RBFOX1: variants seen among roughly 807,000 people sequenced by gnomAD.
RBFOX1 encodes RNA binding protein fox-1 homolog 1.
A neutral mutation model predicts 57.7 loss-of-function variants in RBFOX1; 8 were observed. That is an observed-to-expected ratio of 0.14 (90% CI 0.08 to 0.25). RBFOX1 has a LOEUF of 0.25. Among genes scored for constraint, RBFOX1 ranks in the 10% least tolerant of loss-of-function variants. The pLI is 1.00. For synonymous variants in RBFOX1, 326 were observed against 222.4 expected, an observed-to-expected ratio of 1.47 and a Z score of -4.15; for missense variants, 611 against 548.5, an observed-to-expected ratio of 1.11 and a Z score of -1.14.
chr16:7,076,829 G>A (rs1032304351), intron 4 of RBFOX1, among the ~76,000 whole-genome samples: 11 of 152,134 alleles, frequency 7.2e-5, no homozygotes, highest in South Asian at 2.1e-4. Flanking sequence ...TGAGCCCTGG[G>A]GATAATGACA....
intron 1 of RBFOX1, among the ~76,000 whole-genome samples, chr16:6,070,726 A>G (rs565301832): frequency 1.3e-5 from 2 of 152,150 alleles, no homozygotes; most frequent in Non-Finnish European, 2.9e-5. Flanking sequence ...TTGACCCTTT[A>G]TCATTGCAAT....
intron 2 of RBFOX1, among the ~76,000 whole-genome samples, chr16:5,555,395 C>T (rs1246791982): frequency 6.6e-6 from 1 of 152,026 alleles, no homozygotes; most frequent in Non-Finnish European, 1.5e-5. Context: ...GGACTACAGG[C>T]ATGAGCCACC....
At chr16:7,368,531 C>A (rs1568452613) in intron 4 of RBFOX1, among the ~76,000 whole-genome samples, 1 of 151,960 alleles carries the variant, frequency 6.6e-6, no homozygotes, top group Non-Finnish European at 1.5e-5. Context: ...GTAATCCCAG[C>A]ACTTTGGGAG....
intron 3 of RBFOX1, among the ~76,000 whole-genome samples, chr16:5,840,864 G>C (rs2056603852): frequency 6.6e-6 from 1 of 152,172 alleles, no homozygotes; most frequent in African/African-American, 2.4e-5. Flanking sequence ...GTCTGGGTGA[G>C]AGCTTGGACT....
At chr16:5,602,294 C>G (rs775336806), downstream of RBFOX1, among the ~76,000 whole-genome samples, 1 of 149,470 alleles carries the variant, frequency 6.7e-6, no homozygotes, top group East Asian at 1.9e-4. Flanking sequence ...AGCAATTACA[C>G]TTCTGGGAAT....
intron 5 of RBFOX1, 26 bp downstream of exon 5, chr16:7,518,415 G>T: frequency 6.3e-7 from 1 of 1,589,686 alleles, no homozygotes; most frequent in Non-Finnish European, 8.6e-7. Flanking sequence ...TGCTACGGGT[G>T]GGAGGTTATG....
intron 1 of RBFOX1, among the ~76,000 whole-genome samples, chr16:5,271,678 G>A (rs1368812407): frequency 6.6e-6 from 1 of 152,176 alleles, no homozygotes; most frequent in Non-Finnish European, 1.5e-5. Flanking sequence ...GCTTTCAGAG[G>A]AGTTTAACTT....
chr16:5,381,274 C>G (rs897796956), intron 1 of RBFOX1, among the ~76,000 whole-genome samples: 1 of 152,178 alleles, frequency 6.6e-6, no homozygotes, highest in Non-Finnish European at 1.5e-5. Flanking sequence ...GCATATTATG[C>G]CGAGTCTGAA....
rs182493757 is a variant in RBFOX1, at chr16:7,449,703, A to G, written c.28-68444A>G. 4.7e-4 allele frequency among the ~76,000 whole-genome samples: 63 copies of G among 133,962 alleles called. 2 individuals are homozygous for G. The East Asian group carries it at 7.5e-3, about 16-fold the overall frequency. The allele number at this position is 133,962 out of a possible 152,430, so 87.9% of individuals were successfully genotyped here. On this transcript the variant is annotated intron_variant, in intron 4 of 15. Transcript: ENST00000550418. ...AGTTGGATAATTTTAGCTGGAGAAA[A>G]AGAAACATGTATGTGTGTGTGTGTG... is the stretch of plus-strand genomic sequence containing the variant.
intron 2 of RBFOX1, among the ~76,000 whole-genome samples, chr16:6,349,448 C>T (rs1488417415): frequency 6.6e-6 from 1 of 152,062 alleles, no homozygotes; most frequent in Non-Finnish European, 1.5e-5. Context: ...TAAAGCTACC[C>T]CATAGAATTA....
At chr16:6,820,212 CA>C (rs1350173029) in intron 3 of RBFOX1, among the ~76,000 whole-genome samples, 2 of 152,192 alleles carry the variant, frequency 1.3e-5, no homozygotes, top group Admixed American at 6.5e-5. Context: ...GAGGCCTCCC[CA>C]GCCATGTGCA....
intron 1 of RBFOX1, among the ~76,000 whole-genome samples, chr16:5,455,199 G>C (rs2068593262): frequency 6.6e-6 from 1 of 151,808 alleles, no homozygotes; most frequent in Non-Finnish European, 1.5e-5. Context: ...ATGACTTGAA[G>C]ACTAGGCCCA....
intron 14 of RBFOX1, among the ~76,000 whole-genome samples, chr16:7,683,323 C>G (rs1049927842): frequency 2.6e-5 from 4 of 151,532 alleles, no homozygotes; most frequent in African/African-American, 9.7e-5. Context: ...ATCACACACA[C>G]ACAGAGACAG....
At chr16:7,068,279 C>T (rs548350668) in intron 4 of RBFOX1, among the ~76,000 whole-genome samples, 31 of 152,300 alleles carry the variant, frequency 2.0e-4, no homozygotes, top group African/African-American at 7.5e-4. Context: ...GTAGTATCCC[C>T]ACTCTAAGTA....
chr16:7,261,268 G>C (rs913160135), intron 4 of RBFOX1, among the ~76,000 whole-genome samples: 1 of 152,174 alleles, frequency 6.6e-6, no homozygotes, highest in Non-Finnish European at 1.5e-5. Flanking sequence ...AAAGGAGACA[G>C]TATATGATGT....
chr16:5,409,056 G>T (rs1403880259), intron 1 of RBFOX1, among the ~76,000 whole-genome samples: 1 of 152,206 alleles, frequency 6.6e-6, no homozygotes, highest in African/African-American at 2.4e-5. Flanking sequence ...TGGAATTTCA[G>T]ATGGAGCTGT....
intron 3 of RBFOX1, among the ~76,000 whole-genome samples, chr16:6,809,930 G>C (rs747159891): frequency 6.6e-6 from 1 of 151,988 alleles, no homozygotes; most frequent in African/African-American, 2.4e-5. Context: ...CCACCAAGAT[G>C]AGCCTACCCG....
chr16:6,019,635 G>C lies in RBFOX1; in HGVS notation c.-484G>C, dbSNP rs1567268919. 7.8e-7 allele frequency: 1 copy of C among 1,287,908 alleles called. No homozygotes were observed. The allele number at this position is 1,287,908 out of a possible 1,614,324, so 79.8% of individuals were successfully genotyped here. A position where few individuals can be genotyped will look rare whatever the true frequency, so the allele number is the denominator to read the frequency against. On this transcript the variant is annotated 5_prime_UTR_variant, in exon 1 of 16. Coordinates refer to ENST00000550418, the MANE Select transcript of RBFOX1 (RefSeq NM_018723.4). The surrounding 1 kb of genome is among the most constrained non-coding windows in gnomAD (Gnocchi z 4.2). The stretch of plus-strand genomic sequence containing the variant: ...CCGAGCCGAGCACCCCACATCTGGA[G>C]GGGACAGCCAGCCGTGGGCCCCGCC...
chr16:7,367,296 T>G (rs560868933), intron 4 of RBFOX1, among the ~76,000 whole-genome samples: 1 of 152,262 alleles, frequency 6.6e-6, no homozygotes, highest in South Asian at 2.1e-4. Context: ...GCAGTTCAGT[T>G]TGTAGTCATC....
Sources: allele counts gnomAD v4.1 joint callset (sites outside exome capture counted in the v4.1 genomes callset), GRCh38; gene constraint gnomAD v4.1.1; non-coding constraint Gnocchi (gnomAD v3.1); transcripts MANE v1.5; gene names NCBI Gene and HGNC (gene_info 2026-07-23, HGNC 2026-07-21).